FOCAD: variants seen among roughly 807,000 people sequenced by gnomAD.
FOCAD encodes the protein focadhesin, also known as KIAA1797.
A neutral mutation model predicts 225.6 loss-of-function variants in FOCAD; 198 were observed. That is an observed-to-expected ratio of 0.88 (90% confidence interval 0.78 to 0.99). The LOEUF is 0.99. FOCAD is among the 50% of genes least tolerant of loss of function. The pLI, the probability that FOCAD is intolerant of heterozygous loss-of-function variation, is 0.00. For missense variants in FOCAD, 2,713 were observed against 2,123.6 expected (o/e 1.28, Z -5.46); for synonymous variants, 897 against 755.0 (o/e 1.19, Z -3.08).
chr9:20,789,722 ATT>A (rs543796120), intron 11 of FOCAD, 114 bp downstream of exon 11: 4,442 of 1,039,868 alleles, frequency 4.3e-3, no homozygotes, highest in Non-Finnish European at 4.7e-3. Flanking sequence ...TGGGTTGATG[ATT>A]TTTTTTTTTT....
At chr9:20,871,248 G>C (rs1401400556) in intron 18 of FOCAD, among the ~76,000 whole-genome samples, 2 of 151,954 alleles carry the variant, frequency 1.3e-5, no homozygotes, top group East Asian at 1.9e-4. Flanking sequence ...TTCCATTTAA[G>C]TTTTTTAACA....
chr9:20,795,907 GT>G (rs1212998907), intron 11 of FOCAD, among the ~76,000 whole-genome samples: 1 of 150,878 alleles, frequency 6.6e-6, no homozygotes, highest in African/African-American at 2.4e-5. Flanking sequence ...TTGGTGTGCT[GT>G]CCCCAATAAC....
Position 20,936,928 on chromosome 9 carries a change from T to C in FOCAD, c.3407+3825T>C, listed in dbSNP as rs1163613439. The stretch of plus-strand genomic sequence containing the variant: ...CAAAAATCACAAACATTTTTATACA[T>C]CAATAACAGACAAACAAAGAGCCAA... On this transcript the variant is annotated intron_variant, in intron 28 of 43. Transcript: ENST00000338382. Among the ~76,000 whole-genome samples the C allele has an allele frequency of 6.0e-3, 913 of 152,112 alleles. 7 individuals carry two copies. Among genetic ancestry groups the C allele is most frequent in the Middle Eastern group, 0.031 (9 of 294 alleles).
intron 4 of FOCAD, among the ~76,000 whole-genome samples, chr9:20,730,735 C>G (rs999005194): frequency 1.3e-5 from 2 of 152,098 alleles, no homozygotes; most frequent in African/African-American, 4.8e-5. Flanking sequence ...TCTAATATTC[C>G]TAAGACTCTC....
chr9:20,700,437 A>G (rs181582651), intron 1 of FOCAD, among the ~76,000 whole-genome samples: 43 of 152,108 alleles, frequency 2.8e-4, no homozygotes, highest in Non-Finnish European at 5.4e-4. Flanking sequence ...TTATGACAGC[A>G]TAATGAAATT....
At chr9:20,678,567 C>G (rs911454229) in intron 2 of FOCAD, among the ~76,000 whole-genome samples, 3 of 152,188 alleles carry the variant, frequency 2.0e-5, no homozygotes, top group Non-Finnish European at 2.9e-5. Context: ...GTCAGATATT[C>G]TCTTTTTGCC....
At chr9:20,826,472 T>C (rs539053785) in intron 15 of FOCAD, among the ~76,000 whole-genome samples, 1 of 152,216 alleles carries the variant, frequency 6.6e-6, no homozygotes, top group Non-Finnish European at 1.5e-5. Flanking sequence ...TCGGCTTCCC[T>C]ACTTTTGAGG....
intron 15 of FOCAD, among the ~76,000 whole-genome samples, chr9:20,838,671 T>C (rs1826224930): frequency 6.6e-6 from 1 of 152,150 alleles, no homozygotes; most frequent in South Asian, 2.1e-4. Context: ...CAGTGACTTC[T>C]ACTATGTAGA....
At chr9:20,717,693 C>T in intron 2 of FOCAD, 101 bp from the exon 3 acceptor site, 1 of 882,610 alleles carries the variant, frequency 1.1e-6, no homozygotes, top group Non-Finnish European at 1.7e-6. Context: ...GGGAATTTTA[C>T]TTAATCCTAA....
At chr9:20,801,968 A>T (rs1007733560) in intron 11 of FOCAD, among the ~76,000 whole-genome samples, 2 of 152,120 alleles carry the variant, frequency 1.3e-5, no homozygotes, top group East Asian at 3.9e-4. Flanking sequence ...CTGACCAATG[A>T]CAATTTTGAG....
chr9:20,947,427 A>G (rs1379712709), intron 30 of FOCAD, among the ~76,000 whole-genome samples: 4 of 152,190 alleles, frequency 2.6e-5, no homozygotes, highest in African/African-American at 7.2e-5. Context: ...TTTTACTTAC[A>G]TGAGCTGCGT....
chr9:20,720,663 G>C, intron 4 of FOCAD, 129 bp downstream of exon 4: 2 of 871,676 alleles, frequency 2.3e-6, no homozygotes, highest in South Asian at 1.8e-5. Flanking sequence ...AATGTCATGA[G>C]TTGCTGTTTC....
intron 28 of FOCAD, among the ~76,000 whole-genome samples, chr9:20,939,149 T>TAAAAAAAAAAAA (rs1836357888): frequency 7.7e-5 from 1 of 12,942 alleles, no homozygotes; most frequent in African/African-American, 1.8e-4. Context: ...GACTCTCTTC[T>TAAAAAAAAAAAA]CAAAAAAAAA....
intron 2 of FOCAD, among the ~76,000 whole-genome samples, chr9:20,671,771 G>A (rs1466756792): frequency 6.6e-6 from 1 of 152,182 alleles, no homozygotes; most frequent in Non-Finnish European, 1.5e-5. Flanking sequence ...CTTTGAAGAT[G>A]TGATGTGCCG....
At chr9:20,990,437 T>C in intron 42 of FOCAD, 63 bp downstream of exon 42, 7 of 1,575,508 alleles carry the variant, frequency 4.4e-6, no homozygotes, top group Non-Finnish European at 4.3e-6. Context: ...CAGTTTCTAC[T>C]GTAGAATTGA....
chr9:20,921,721 A>G (rs1254234080), intron 24 of FOCAD, among the ~76,000 whole-genome samples: 3 of 152,222 alleles, frequency 2.0e-5, no homozygotes, highest in African/African-American at 4.8e-5. Context: ...GTTTTTAAAT[A>G]AATTTTTCTC....
chr9:20,859,174 A>G (rs1163659555), intron 15 of FOCAD, among the ~76,000 whole-genome samples: 1 of 152,170 alleles, frequency 6.6e-6, no homozygotes, highest in East Asian at 1.9e-4. Flanking sequence ...CAGGAGTTTG[A>G]GATGAGTCTG....
chr9:20,709,676 C>A (rs1055220256), intron 1 of FOCAD, among the ~76,000 whole-genome samples: 2 of 152,124 alleles, frequency 1.3e-5, no homozygotes, highest in Non-Finnish European at 2.9e-5. Flanking sequence ...ATGAAAGACA[C>A]TTGCAATTTG....
At chr9:20,967,558 G>A (rs1055491027) in intron 35 of FOCAD, among the ~76,000 whole-genome samples, 1 of 152,050 alleles carries the variant, frequency 6.6e-6, no homozygotes, top group Non-Finnish European at 1.5e-5. Context: ...GTGAAACTGG[G>A]AATCCTGTCT....
Sources: gnomAD v4.1 joint callset for allele counts (sites outside exome capture counted in the v4.1 genomes callset) on GRCh38, gnomAD v4.1.1 for gene constraint, MANE v1.5 for transcripts, NCBI Gene and HGNC (gene_info 2026-07-23, HGNC 2026-07-21) for gene names.